The following COG7 variants were observed in gnomAD, a reference collection of about 807,000 sequenced individuals.
COG7 encodes component of oligomeric golgi complex 7, also known as conserved oligomeric Golgi complex subunit 7.
A neutral mutation model predicts 91.5 loss-of-function variants in COG7; 49 were observed. The observed-to-expected ratio is 0.54, with a 90% CI of 0.43 to 0.68. COG7 has a LOEUF of 0.68. Ranked by LOEUF, COG7 falls within the 30% of genes least tolerant of loss-of-function variation. COG7 has a pLI of 0.00. For synonymous variants in COG7, 365 were observed against 388.7 expected (o/e 0.94, Z 0.72); for missense variants, 895 against 961.3 (o/e 0.93, Z 0.91).
In COG7 at chr16:23,402,930, G is replaced by A. The variant is rs376417658; in HGVS notation, c.1803+764C>T. Among the ~76,000 whole-genome samples the A allele has an allele frequency of 5.9e-5, 9 of 152,326 alleles. No homozygotes were observed. The East Asian group carries it at 9.6e-4, about 16-fold the overall frequency. ...TAGAGGGTGGCAGAAAGGAGAGCAC[G>A]TTTGATTTTGCCAGATGAGTTCTTG... On this transcript the variant is annotated intron_variant, in intron 13 of 16. Coordinates refer to ENST00000307149, the MANE Select transcript of COG7 (RefSeq NM_153603.4).
intron 7 of COG7, among the ~76,000 whole-genome samples, chr16:23,422,452 A>G (rs1323193964): frequency 6.7e-6 from 1 of 149,572 alleles, no homozygotes; most frequent in Admixed American, 6.7e-5. Context: ...ATTTTAAGAT[A>G]TTTTGTATAT....
At position 23,445,890 on chromosome 16, in the gene COG7, A is replaced by C. The variant is rs778408190; in HGVS notation, c.241T>G (p.Ser81Ala). 104 of 1,611,216 alleles carry C rather than the reference A, an allele frequency of 6.5e-5. No individual in the cohort carries two copies. Among genetic ancestry groups the C allele is most frequent in the Admixed American group, 1.0e-4 (6 of 59,802 alleles). ...AGAATCATCTGTTCTTTCAGGAAAG[A>C]TGCCTCCTGTTTTAGGGCTTCAACA... Reference protein sequence around the residue: ...RDVEALKQEASFLKEQMILVK... With the variant: ...RDVEALKQEAAFLKEQMILVK... The change falls in exon 2 of 17, where the codon TCT (serine) becomes GCT (alanine). Residue 81 changes from serine (S) to alanine (A), a missense_variant. Coordinates refer to ENST00000307149, the MANE Select transcript of COG7 (RefSeq NM_153603.4).
chr16:23,420,233 G>A (rs1963732489), intron 7 of COG7, among the ~76,000 whole-genome samples: 1 of 152,158 alleles, frequency 6.6e-6, no homozygotes, highest in Non-Finnish European at 1.5e-5. Context: ...ATGTAAATGT[G>A]CATATTCTAC....
At chr16:23,405,421 T>G (rs72774388) in intron 12 of COG7, among the ~76,000 whole-genome samples, 264 of 152,300 alleles carry the variant, frequency 1.7e-3, no homozygotes, top group Admixed American at 3.7e-3. Flanking sequence ...GGCCAGGGGC[T>G]GTCCAGCTCT....
intron 7 of COG7, among the ~76,000 whole-genome samples, chr16:23,424,313 A>G (rs893936095): frequency 7.9e-5 from 12 of 151,848 alleles, no homozygotes; most frequent in African/African-American, 2.9e-4. Context: ...AAAAAAAAAA[A>G]AAAAAGCCCT....
At chr16:23,422,345 C>T (rs1402173185) in intron 7 of COG7, among the ~76,000 whole-genome samples, 1 of 151,530 alleles carries the variant, frequency 6.6e-6, no homozygotes, top group Non-Finnish European at 1.5e-5. Context: ...GACAACAAAA[C>T]TATGTCTTAG....
intron 7 of COG7, among the ~76,000 whole-genome samples, chr16:23,422,716 CTA>C (rs1963778342): frequency 6.6e-6 from 1 of 151,754 alleles, no homozygotes; most frequent in Non-Finnish European, 1.5e-5. Context: ...AAAAGAAAAA[CTA>C]AAACTCTTTT....
intron 4 of COG7, among the ~76,000 whole-genome samples, chr16:23,441,596 T>C (rs1555496534): frequency 6.6e-6 from 1 of 152,074 alleles, no homozygotes; most frequent in Non-Finnish European, 1.5e-5. Flanking sequence ...AAAAATTTAC[T>C]GGCACACAGC....
At chr16:23,404,013 C>T (rs541966822) in intron 12 of COG7, among the ~76,000 whole-genome samples, 179 bp from the exon 13 acceptor site, 2 of 152,340 alleles carry the variant, frequency 1.3e-5, no homozygotes, top group East Asian at 3.9e-4. Context: ...TCCCAAGCTC[C>T]ACCCCAGAAC....
chr16:23,431,785 G>C (rs4968002), intron 6 of COG7, among the ~76,000 whole-genome samples: 3,271 of 149,726 alleles, frequency 0.022, 80 homozygotes, highest in Admixed American at 0.066. Flanking sequence ...CTCCAGCCTG[G>C]GTGACAGAGC....
intron 4 of COG7, 39 bp downstream of exon 4, chr16:23,442,438 G>A (rs1964116370): frequency 6.3e-7 from 1 of 1,590,970 alleles, no homozygotes; most frequent in African/African-American, 1.3e-5. Flanking sequence ...TATCTTTATA[G>A]AGAGATATAC....
At chr16:23,435,586 T>C (rs911551266) in intron 4 of COG7, among the ~76,000 whole-genome samples, 1 of 152,188 alleles carries the variant, frequency 6.6e-6, no homozygotes, top group Non-Finnish European at 1.5e-5. Flanking sequence ...AGTCTCTGAA[T>C]AGTGTGCACA....
chr16:23,434,535 G>A, intron 5 of COG7, 101 bp downstream of exon 5: 2 of 903,364 alleles, frequency 2.2e-6, no homozygotes, highest in Admixed American at 3.9e-5. Flanking sequence ...AGGGCAAGGA[G>A]ACAAATGTTC....
chr16:23,399,533 T>TCC (rs1227971679), intron 13 of COG7, among the ~76,000 whole-genome samples: 1 of 151,746 alleles, frequency 6.6e-6, no homozygotes, highest in African/African-American at 2.4e-5. Context: ...CCTGACATAC[T>TCC]CCCACCCTGT....
chr16:23,440,107 G>A (rs1040807235), intron 4 of COG7, among the ~76,000 whole-genome samples: 5 of 150,212 alleles, frequency 3.3e-5, no homozygotes, highest in African/African-American at 9.7e-5. Flanking sequence ...AAAAAAAATA[G>A]GCTGGGCACG....
At chr16:23,444,551 C>T (rs1371981080) in intron 3 of COG7, among the ~76,000 whole-genome samples, 1 of 150,408 alleles carries the variant, frequency 6.6e-6, no homozygotes, top group African/African-American at 2.5e-5. Flanking sequence ...TGCTCTGTCC[C>T]TCAGCATAGT....
intron 6 of COG7, among the ~76,000 whole-genome samples, chr16:23,431,156 A>C (rs1963928318): frequency 6.6e-6 from 1 of 152,196 alleles, no homozygotes; most frequent in Admixed American, 6.5e-5. Flanking sequence ...AGGTGGCTAC[A>C]TGGGTATTCA....
At chr16:23,429,146 C>T (rs942710331) in intron 6 of COG7, among the ~76,000 whole-genome samples, 26 of 152,096 alleles carry the variant, frequency 1.7e-4, no homozygotes, top group Non-Finnish European at 2.9e-4. Context: ...TGTGCCACCA[C>T]GCCCAACTAA....
At position 23,406,209 on chromosome 16, in the gene COG7, A is replaced by G. The variant is rs202221877; in HGVS notation, c.1529T>C (p.Leu510Pro). 71 of 1,614,076 alleles carry G rather than the reference A, an allele frequency of 4.4e-5. No individual in the cohort carries two copies. Among genetic ancestry groups the G allele is most frequent in the African/African-American group, 5.3e-5 (4 of 74,924 alleles). Residue 510 changes from leucine to proline, a missense_variant, in exon 12 of 17, where the codon CTG becomes CCG. Physicochemically the swap from Leu to Pro is moderately conservative, Grantham distance 98. Coordinates refer to ENST00000307149, the MANE Select transcript of COG7 (RefSeq NM_153603.4). ...CAAGATGCTCTCCTGAAAACCAGCC[A>G]GGCTCCGGGGGCTGCAGGAATCAGA... is the stretch of plus-strand genomic sequence containing the variant. The part of the protein sequence containing the change: ...YLSDSCSPRS[L>P]AGFQESILTD...
Sources: allele counts gnomAD v4.1 joint callset (sites outside exome capture counted in the v4.1 genomes callset), GRCh38; gene constraint gnomAD v4.1.1; transcripts MANE v1.5; gene names NCBI Gene and HGNC (gene_info 2026-07-23, HGNC 2026-07-21).